SH3BP5: variants seen among roughly 807,000 people sequenced by gnomAD.
The protein encoded by SH3BP5 is SH3 domain binding protein 5, also known as SH3 domain-binding protein 5.
Under a neutral mutation model 43.3 loss-of-function variants are expected in SH3BP5, and 22 were observed. The ratio of observed to expected loss-of-function variants is 0.51; its 90% CI spans 0.36 to 0.73. The LOEUF is 0.73. SH3BP5 is among the 30% of genes least tolerant of loss of function. SH3BP5 has a pLI of 0.00. For missense variants in SH3BP5, 529 were observed against 586.9 expected, an observed-to-expected ratio of 0.90 and a Z score of 1.02; for synonymous variants, 255 against 225.8, an observed-to-expected ratio of 1.13 and a Z score of -1.16.
At chr3:15,340,256 C>A (rs890755799) in intron 1 of SH3BP5, among the ~76,000 whole-genome samples, 2 of 152,074 alleles carry the variant, frequency 1.3e-5, no homozygotes, top group African/African-American at 4.8e-5. Context: ...TTTATTAGGA[C>A]TTTACTCTGG....
intron 2 of SH3BP5, among the ~76,000 whole-genome samples, chr3:15,307,779 T>C (rs1033887001): frequency 3.9e-5 from 6 of 152,218 alleles, no homozygotes; most frequent in Admixed American, 2.6e-4. Flanking sequence ...ATCCTCACGG[T>C]CACCTCCCTG....
intron 3 of SH3BP5, among the ~76,000 whole-genome samples, chr3:15,300,537 C>T (rs1697709295): frequency 6.6e-6 from 1 of 151,996 alleles, no homozygotes; most frequent in Non-Finnish European, 1.5e-5. Flanking sequence ...AACAGGAAGT[C>T]CTACTTGGCA....
At chr3:15,290,162 G>T (rs1009518839) in intron 3 of SH3BP5, among the ~76,000 whole-genome samples, 1 of 152,036 alleles carries the variant, frequency 6.6e-6, no homozygotes, top group African/African-American at 2.4e-5. Context: ...AGCACTTTGG[G>T]AGGTCAAGGC....
At chr3:15,257,213 A>G (rs1351814093) in intron 7 of SH3BP5, 100 bp from the exon 8 acceptor site, 52 of 1,243,580 alleles carry the variant, frequency 4.2e-5, no homozygotes, top group Non-Finnish European at 5.8e-5. Context: ...ATGGGGGACT[A>G]AAGAGTCTCT....
At chr3:15,322,368 A>C (rs1324421140) in intron 2 of SH3BP5, among the ~76,000 whole-genome samples, 1 of 151,974 alleles carries the variant, frequency 6.6e-6, no homozygotes, top group East Asian at 1.9e-4. Context: ...TCCACACATC[A>C]TCTTTTTTTA....
intron 2 of SH3BP5, among the ~76,000 whole-genome samples, chr3:15,327,566 C>T (rs763033203): frequency 1.1e-4 from 16 of 152,234 alleles, no homozygotes; most frequent in African/African-American, 2.7e-4. Context: ...CCTCCAGCAG[C>T]GCCCCTCCAG....
chr3:15,292,994 A>C (rs1396539914), intron 3 of SH3BP5, among the ~76,000 whole-genome samples: 1 of 152,156 alleles, frequency 6.6e-6, no homozygotes, highest in Non-Finnish European at 1.5e-5. Flanking sequence ...GGAGCCTTTG[A>C]CCTGGGTCAA....
At chr3:15,316,217 C>T (rs1470443526) in intron 2 of SH3BP5, among the ~76,000 whole-genome samples, 5 of 130,640 alleles carry the variant, frequency 3.8e-5, no homozygotes, top group Admixed American at 3.1e-4. Flanking sequence ...GGAAAAGACT[C>T]GCTTTTTTTT....
chr3:15,317,144 T>C (rs1698205794), intron 2 of SH3BP5, among the ~76,000 whole-genome samples: 1 of 152,260 alleles, frequency 6.6e-6, no homozygotes, highest in Non-Finnish European at 1.5e-5. Context: ...ACACCACTGA[T>C]GTGCATGTTT....
At position 15,317,542 on chromosome 3, in the gene SH3BP5, T is replaced by A. The variant is rs539779918; in HGVS notation, c.201+12962A>T. Among the ~76,000 whole-genome samples the A allele has an allele frequency of 7.9e-5, 12 of 151,634 alleles. No individual in the cohort carries two copies. The South Asian group carries it at 2.3e-3, about 29-fold the overall frequency. ...GAATAGAACTAGGGGTGCGGGGGAG[T>A]GAGGTAGAGGACTTTCATTTTTCAT... On this transcript the variant is annotated intron_variant, in intron 2 of 8. Transcript: ENST00000383791.
intron 3 of SH3BP5, among the ~76,000 whole-genome samples, chr3:15,280,657 A>G (rs1697100524): frequency 1.3e-5 from 2 of 152,116 alleles, no homozygotes; most frequent in African/African-American, 2.4e-5. Flanking sequence ...CTCTGTCCCC[A>G]AAACACACAC....
intron 2 of SH3BP5, among the ~76,000 whole-genome samples, chr3:15,315,310 T>C (rs1698158243): frequency 6.6e-6 from 1 of 152,194 alleles, no homozygotes; most frequent in Non-Finnish European, 1.5e-5. Flanking sequence ...CTCCCTTTAA[T>C]TTAAGCTATT....
intron 2 of SH3BP5, among the ~76,000 whole-genome samples, chr3:15,313,095 A>T (rs1698100256): frequency 6.6e-6 from 1 of 152,066 alleles, no homozygotes; most frequent in Non-Finnish European, 1.5e-5. Context: ...AAATAAAAAA[A>T]ATAAAAAAAT....
At chr3:15,333,434 C>A (rs769613325), upstream of SH3BP5, among the ~76,000 whole-genome samples, 2 of 152,206 alleles carry the variant, frequency 1.3e-5, no homozygotes, top group South Asian at 2.1e-4. Flanking sequence ...TGTAGCCCAT[C>A]GGCTCTGAGT....
At chr3:15,340,012 A>G (rs1197359664) in intron 1 of SH3BP5, among the ~76,000 whole-genome samples, 1 of 152,220 alleles carries the variant, frequency 6.6e-6, no homozygotes, top group Non-Finnish European at 1.5e-5. Flanking sequence ...AGGAGAGAAT[A>G]CTTCTGTGTC....
rs988652327 is a variant in SH3BP5, at chr3:15,269,029, T to C, written c.495+684A>G. Among the ~76,000 whole-genome samples, 78 of 152,190 alleles carry C rather than the reference T, an allele frequency of 5.1e-4. 1 individual carries two copies. The highest frequency in any genetic ancestry group is 8.8e-5 in the Non-Finnish European group (6 of 68,040). ...TATTGTTTACCAACTACCCTGTTTA[T>C]GGTATTTTGTTTAGTATTTTGTCTT... On this transcript the variant is annotated intron_variant, in intron 4 of 8. Coordinates refer to ENST00000383791, the MANE Select transcript of SH3BP5 (RefSeq NM_004844.5).
intron 2 of SH3BP5, among the ~76,000 whole-genome samples, chr3:15,313,089 A>AAAAAAAAT (rs1252869818): frequency 6.6e-6 from 1 of 151,840 alleles, no homozygotes; most frequent in Non-Finnish European, 1.5e-5. Context: ...ACTAAAAAAT[A>AAAAAAAAT]AAAAAAATAA....
At chr3:15,290,662 G>A (rs977001558) in intron 3 of SH3BP5, among the ~76,000 whole-genome samples, 1 of 152,034 alleles carries the variant, frequency 6.6e-6, no homozygotes, top group Non-Finnish European at 1.5e-5. Context: ...TCGTGCCACT[G>A]CGCTCCAGCC....
At chr3:15,333,029 A>C, upstream of SH3BP5, 5 of 938,794 alleles carry the variant, frequency 5.3e-6, no homozygotes, top group Non-Finnish European at 6.3e-6. Context: ...TGCATTGCCG[A>C]AGGCTGCGGC....
Sources: allele counts gnomAD v4.1 joint callset (sites outside exome capture counted in the v4.1 genomes callset), GRCh38; gene constraint gnomAD v4.1.1; transcripts MANE v1.5; gene names NCBI Gene and HGNC (gene_info 2026-07-23, HGNC 2026-07-21).